Variants in RNF220 observed in about 807,000 individuals in gnomAD.
RNF220 encodes E3 ubiquitin-protein ligase RNF220.
A neutral mutation model predicts 67.1 loss-of-function variants in RNF220; 7 were observed. The observed-to-expected ratio is 0.10, with a 90% confidence interval of 0.06 to 0.20. RNF220 has a LOEUF of 0.20. RNF220 is among the 10% of genes least tolerant of loss of function. The probability of loss-of-function intolerance (pLI) is 1.00; values close to 1 mark genes in which losing one functional copy is unlikely to be tolerated. For missense variants in RNF220, 565 were observed against 740.3 expected (o/e 0.76, Z 2.75); for synonymous variants, 270 against 283.2 (o/e 0.95, Z 0.47).
At chr1:44,433,708 T>C (rs1488213002) in intron 2 of RNF220, among the ~76,000 whole-genome samples, 1 of 152,208 alleles carries the variant, frequency 6.6e-6, no homozygotes, top group Non-Finnish European at 1.5e-5. Context: ...TGGTGGCTCA[T>C]GCCTGTAATC....
chr1:44,432,974 C>G (rs113356325), intron 2 of RNF220, among the ~76,000 whole-genome samples: 5,531 of 149,506 alleles, frequency 0.037, 217 homozygotes, highest in African/African-American at 0.1. Flanking sequence ...AGGCACTGTA[C>G]CCAGGAGTGC....
intron 2 of RNF220, among the ~76,000 whole-genome samples, chr1:44,461,475 G>T (rs1446587770): frequency 6.6e-6 from 1 of 152,176 alleles, no homozygotes; most frequent in Admixed American, 6.5e-5. Flanking sequence ...ATGTTTTGGT[G>T]ATCTGTTTCA....
Position 44,619,389 on chromosome 1 carries a change from C to T in RNF220, c.759-3353C>T, listed in dbSNP as rs565374682. Among the ~76,000 whole-genome samples the T allele has an allele frequency of 7.6e-4, 115 of 152,164 alleles. 1 individual carries two copies. The highest frequency in any genetic ancestry group is 1.0e-3 in the Non-Finnish European group (70 of 67,992). Reference sequence around the variant, plus strand: ...TGTGGAGATGGCAGTGCCCCCACCCCCACTTAAGCCTTATTTAAGGCCGGC... The same window carrying T: ...TGTGGAGATGGCAGTGCCCCCACCCTCACTTAAGCCTTATTTAAGGCCGGC... On this transcript the variant is annotated intron_variant, in intron 3 of 14. Transcript: ENST00000361799.
rs138019958 is a variant in RNF220 at position 44,647,571 on chromosome 1, A to G, written c.1445+2083A>G. Among the ~76,000 whole-genome samples the G allele has an allele frequency of 4.1e-3, 622 of 152,150 alleles. 1 individual carries two copies. Among genetic ancestry groups the G allele is most frequent in the Non-Finnish European group, 7.1e-3 (481 of 67,974 alleles). ...AGAGGCAAGGCAGAGGGAATCATGG[A>G]CCCTAGGGTGATGGATTTAAGTGTC... On this transcript the variant is annotated intron_variant, in intron 12 of 14. Coordinates refer to ENST00000361799, the MANE Select transcript of RNF220 (RefSeq NM_018150.4).
At chr1:44,482,964 T>C (rs1011671941) in intron 2 of RNF220, among the ~76,000 whole-genome samples, 6 of 133,558 alleles carry the variant, frequency 4.5e-5, no homozygotes, top group Non-Finnish European at 7.8e-5. Flanking sequence ...GGGATATTGC[T>C]CTGTAGCCCA....
At chr1:44,502,917 T>G (rs1316394375) in intron 2 of RNF220, among the ~76,000 whole-genome samples, 1 of 152,152 alleles carries the variant, frequency 6.6e-6, no homozygotes, top group Non-Finnish European at 1.5e-5. Flanking sequence ...AGAAGCACGT[T>G]GTCATGCCTG....
intron 2 of RNF220, among the ~76,000 whole-genome samples, chr1:44,591,083 T>C (rs1351596831): frequency 6.6e-6 from 1 of 152,206 alleles, no homozygotes; most frequent in Non-Finnish European, 1.5e-5. Flanking sequence ...TGCCTCAGCC[T>C]CCCGAGTAAC....
At chr1:44,519,500 AG>A (rs1332307675) in intron 2 of RNF220, among the ~76,000 whole-genome samples, 7 of 152,220 alleles carry the variant, frequency 4.6e-5, no homozygotes, top group Non-Finnish European at 7.3e-5. Flanking sequence ...TGGAGGAAGT[AG>A]GTGCTAGCCA....
intron 2 of RNF220, among the ~76,000 whole-genome samples, chr1:44,469,543 C>T (rs926937597): frequency 6.6e-6 from 1 of 151,530 alleles, no homozygotes; most frequent in Non-Finnish European, 1.5e-5. Flanking sequence ...CACCACTGAG[C>T]AAGTTTATTG....
intron 2 of RNF220, among the ~76,000 whole-genome samples, chr1:44,426,006 A>G (rs1649733079): frequency 6.6e-6 from 1 of 152,096 alleles, no homozygotes; most frequent in Non-Finnish European, 1.5e-5. Context: ...GGCAAAAGTT[A>G]CCCAACTCTT....
chr1:44,596,541 A>G (rs1464985789), intron 2 of RNF220, among the ~76,000 whole-genome samples: 1 of 152,038 alleles, frequency 6.6e-6, no homozygotes, highest in Admixed American at 6.5e-5. Flanking sequence ...CCTGGGGGAC[A>G]AGAGCAAGAT....
At position 44,550,827 on chromosome 1, in the gene RNF220, T is replaced by C. The variant is rs147862993; in HGVS notation, c.626-63338T>C. 5.2e-3 allele frequency among the ~76,000 whole-genome samples: 798 copies of C among 152,300 alleles called. 3 individuals are homozygous for C. The highest frequency in any genetic ancestry group is 9.2e-3 in the Non-Finnish European group (623 of 68,016). ...GCTCAGGGCGTTCTTGGGCCTGTTC[T>C]AGTCCCTGCAATGCTTCTCCATGGC... On this transcript the variant is annotated intron_variant, in intron 2 of 14. Transcript: ENST00000361799.
chr1:44,462,878 T>C (rs954154915), intron 2 of RNF220, among the ~76,000 whole-genome samples: 36 of 151,378 alleles, frequency 2.4e-4, no homozygotes, highest in African/African-American at 8.7e-4. Context: ...AATACAAAAA[T>C]TAGCCAGGTG....
chr1:44,595,055 C>T (rs976132890), intron 2 of RNF220, among the ~76,000 whole-genome samples: 2 of 152,334 alleles, frequency 1.3e-5, no homozygotes, highest in Admixed American at 1.3e-4. Flanking sequence ...CATCCACAGA[C>T]CCGCAGCACT....
At chr1:44,619,151 G>A (rs1643687429) in intron 3 of RNF220, among the ~76,000 whole-genome samples, 1 of 152,216 alleles carries the variant, frequency 6.6e-6, no homozygotes, top group African/African-American at 2.4e-5. Context: ...TTTCCATCCA[G>A]AGAGATGAAG....
At position 44,424,213 on chromosome 1, in the gene RNF220, CAA is replaced by C. The variant is rs369314642; in HGVS notation, c.625+11492_625+11493del. On this transcript the variant is annotated intron_variant, in intron 2 of 14. Transcript: ENST00000361799. The stretch of plus-strand genomic sequence containing the variant: ...ACAGACAGTAAGGGCACTAGGATTT[CAA>C]GAGAGAGAGAGAGTCATCCCTGAGG... Among the ~76,000 whole-genome samples, 53 of 152,200 alleles carry C rather than the reference CAA, an allele frequency of 3.5e-4. 2 individuals are homozygous for C. In the South Asian group the frequency reaches 8.9e-3, roughly 26 times the overall value.
chr1:44,614,136 G>A (rs769595201), intron 2 of RNF220, 29 bp from the exon 3 acceptor site: 32 of 1,613,402 alleles, frequency 2.0e-5, no homozygotes, highest in South Asian at 1.9e-4. Flanking sequence ...CCCAGCTTAC[G>A]CGTCTGTCTG....
At chr1:44,428,191 C>T (rs1041967727) in intron 2 of RNF220, among the ~76,000 whole-genome samples, 1 of 152,130 alleles carries the variant, frequency 6.6e-6, no homozygotes, top group Non-Finnish European at 1.5e-5. Context: ...AACTCCTACC[C>T]GAGGAAGGAC....
chr1:44,539,039 G>A (rs1046282933), intron 2 of RNF220, among the ~76,000 whole-genome samples: 1 of 151,624 alleles, frequency 6.6e-6, no homozygotes, highest in Non-Finnish European at 1.5e-5. Context: ...TGACCAACAT[G>A]GCGAAACCCC....
Sources: gnomAD v4.1 joint callset for allele counts (sites outside exome capture counted in the v4.1 genomes callset) on GRCh38, gnomAD v4.1.1 for gene constraint, MANE v1.5 for transcripts, NCBI Gene and HGNC (gene_info 2026-07-23, HGNC 2026-07-21) for gene names.